Variants in CCDC171 observed in about 807,000 individuals in gnomAD.
The protein encoded by CCDC171 is coiled-coil domain containing 171, also known as coiled-coil domain-containing protein 171.
In CCDC171, 177 loss-of-function variants were observed where a neutral mutation model predicts 168.2. That is an observed-to-expected ratio of 1.05 (90% CI 0.93 to 1.19). CCDC171 has a LOEUF of 1.19. Ranked by LOEUF, CCDC171 falls within the 50% of genes most tolerant of loss-of-function variation. CCDC171 has a pLI of 0.00. For synonymous variants in CCDC171, 687 were observed against 540.8 expected (o/e 1.27, Z -3.75); for missense variants, 1,991 against 1,539.0 (o/e 1.29, Z -4.91).
intron 10 of CCDC171, among the ~76,000 whole-genome samples, chr9:15,682,185 T>C (rs566469160): frequency 6.6e-6 from 1 of 152,184 alleles, no homozygotes; most frequent in African/African-American, 2.4e-5. Context: ...TGAGCAAATT[T>C]TGAGACTTAC....
chr9:15,926,698 G>T (rs1265197925), intron 25 of CCDC171, among the ~76,000 whole-genome samples: 1 of 151,584 alleles, frequency 6.6e-6, no homozygotes, highest in Non-Finnish European at 1.5e-5. Context: ...CCACATTGTA[G>T]TGTTGTTATG....
At chr9:15,850,372 T>A (rs913283438) in intron 23 of CCDC171, 1 of 151,976 alleles carries the variant, frequency 6.6e-6, no homozygotes. Flanking sequence ...TTAAATATAA[T>A]AAAGACTGAC....
At chr9:15,717,854 C>T (rs1564276469) in intron 11 of CCDC171, among the ~76,000 whole-genome samples, 1 of 152,174 alleles carries the variant, frequency 6.6e-6, no homozygotes, top group African/African-American at 2.4e-5. Context: ...TACACACGGA[C>T]CTTTGGTGAG....
At chr9:15,767,559 G>A (rs1297667097) in intron 18 of CCDC171, among the ~76,000 whole-genome samples, 1 of 151,800 alleles carries the variant, frequency 6.6e-6, no homozygotes, top group Non-Finnish European at 1.5e-5. Flanking sequence ...CAGGTTCCAG[G>A]GATTAGAATG....
chr9:15,652,436 T>G (rs1188522985), intron 7 of CCDC171, among the ~76,000 whole-genome samples: 1 of 151,892 alleles, frequency 6.6e-6, no homozygotes, highest in Non-Finnish European at 1.5e-5. Flanking sequence ...CCACATTGTT[T>G]TGATTATTGT....
intron 16 of CCDC171, among the ~76,000 whole-genome samples, chr9:15,731,095 C>T (rs1401990491): frequency 6.6e-6 from 1 of 152,022 alleles, no homozygotes; most frequent in Non-Finnish European, 1.5e-5. Flanking sequence ...TCTCTTCTTG[C>T]TATTGTGAAA....
intron 7 of CCDC171, 37 bp from the exon 8 acceptor site, chr9:15,657,090 C>A (rs1190310319): frequency 1.7e-6 from 2 of 1,199,348 alleles, no homozygotes. Context: ...CTTTAAATAC[C>A]AATGTTTATG....
chr9:15,889,309 A>G (rs541181080), intron 24 of CCDC171, among the ~76,000 whole-genome samples: 5 of 152,132 alleles, frequency 3.3e-5, no homozygotes, highest in Admixed American at 2.0e-4. Flanking sequence ...AGATAAAGGA[A>G]TGTGAGAATT....
chr9:15,883,385 A>G (rs1818972972), intron 24 of CCDC171, among the ~76,000 whole-genome samples: 1 of 151,942 alleles, frequency 6.6e-6, no homozygotes, highest in African/African-American at 2.4e-5. Context: ...ATTTATTGTA[A>G]TAAGGTATTT....
chr9:16,053,309 G>T (rs531441770), intron 1 of CCDC171, among the ~76,000 whole-genome samples: 1 of 152,354 alleles, frequency 6.6e-6, no homozygotes, highest in South Asian at 2.1e-4. Flanking sequence ...CAGCACTGTT[G>T]TGATGCAACT....
At chr9:15,604,875 A>T (rs149977900) in intron 6 of CCDC171, among the ~76,000 whole-genome samples, 525 of 152,338 alleles carry the variant, frequency 3.4e-3, no homozygotes, top group African/African-American at 0.011. Context: ...TATGAACATC[A>T]ACAGATGGAT....
chr9:15,648,834 A>T (rs1431308025), intron 7 of CCDC171, among the ~76,000 whole-genome samples: 2 of 152,226 alleles, frequency 1.3e-5, no homozygotes, highest in African/African-American at 4.8e-5. Flanking sequence ...AAGGTAATTT[A>T]TTGATTCAAT....
chr9:15,889,469 C>G (rs1819903883), intron 24 of CCDC171, among the ~76,000 whole-genome samples: 1 of 152,146 alleles, frequency 6.6e-6, no homozygotes, highest in African/African-American at 2.4e-5. Context: ...TTGCTATCTA[C>G]TCTCTCTTGC....
chr9:16,099,974 C>G, the CCDC171 span, among the ~76,000 whole-genome samples: 1 of 151,258 alleles, frequency 6.6e-6, no homozygotes, highest in African/African-American at 2.4e-5. Context: ...CTTTGAGAAA[C>G]CAACGCTGTA....
chr9:15,994,961 T>G (rs1832325710), intron 3 of CCDC171, among the ~76,000 whole-genome samples: 1 of 152,200 alleles, frequency 6.6e-6, no homozygotes, highest in Non-Finnish European at 1.5e-5. Context: ...CCACCTTATG[T>G]ATCATCATCA....
At chr9:16,051,138 T>A (rs1833743734) in intron 1 of CCDC171, among the ~76,000 whole-genome samples, 1 of 152,196 alleles carries the variant, frequency 6.6e-6, no homozygotes, top group African/African-American at 2.4e-5. Context: ...AAATAAATGT[T>A]TTTTAAATAA....
At chr9:15,590,128 A>G (rs766028525) in intron 4 of CCDC171, among the ~76,000 whole-genome samples, 1 of 152,200 alleles carries the variant, frequency 6.6e-6, no homozygotes, top group Non-Finnish European at 1.5e-5. Context: ...AGGAGTCAAA[A>G]TGGCCTCAAA....
intron 1 of CCDC171, among the ~76,000 whole-genome samples, chr9:15,554,800 C>T (rs1325823426): frequency 2.6e-5 from 4 of 152,252 alleles, no homozygotes; most frequent in Non-Finnish European, 4.4e-5. Context: ...TCTCATTTTC[C>T]GGCTGAATAT....
intron 7 of CCDC171, 55 bp downstream of exon 7, chr9:15,623,468 C>CGCGCGCGCGCGCGG (rs1554714810): frequency 8.1e-6 from 6 of 739,904 alleles, no homozygotes; most frequent in Non-Finnish European, 1.2e-5. Flanking sequence ...CACATATGCG[C>CGCGCGCGCGCGCGG]GCGCGCGCAC....
Sources: allele counts gnomAD v4.1 joint callset (sites outside exome capture counted in the v4.1 genomes callset), GRCh38; gene constraint gnomAD v4.1.1; transcripts MANE v1.5; gene names NCBI Gene and HGNC (gene_info 2026-07-23, HGNC 2026-07-21).